Variants in CADPS2 observed in about 807,000 individuals in gnomAD.
The protein encoded by CADPS2 is calcium-dependent secretion activator 2.
CADPS2 carries 93 observed loss-of-function variants against 172.5 expected under a neutral mutation model. That is an observed-to-expected ratio of 0.54 (90% CI 0.46 to 0.64). The LOEUF (loss-of-function observed/expected upper bound fraction) is 0.64, where lower values mean the gene tolerates loss of function less well. CADPS2 is among the 30% of genes least tolerant of loss of function. The pLI is 0.00. For synonymous variants in CADPS2, 546 were observed against 555.2 expected, an observed-to-expected ratio of 0.98 and a Z score of 0.23; for missense variants, 1,420 against 1,565.9, an observed-to-expected ratio of 0.91 and a Z score of 1.57.
At chr7:122,448,299 T>G (rs543185856) in intron 15 of CADPS2, among the ~76,000 whole-genome samples, 1 of 152,266 alleles carries the variant, frequency 6.6e-6, no homozygotes, top group South Asian at 2.1e-4. Context: ...TCAGCTCTCA[T>G]GAGACTCGCT....
intron 1 of CADPS2, among the ~76,000 whole-genome samples, chr7:122,770,818 G>A (rs2139065608): frequency 6.6e-6 from 1 of 152,292 alleles, no homozygotes. Flanking sequence ...TGCAGCAGGA[G>A]CTGCTGCAGG....
intron 25 of CADPS2, among the ~76,000 whole-genome samples, chr7:122,362,286 G>T (rs1217477795): frequency 6.6e-6 from 1 of 152,068 alleles, no homozygotes; most frequent in Non-Finnish European, 1.5e-5. Context: ...AGAGAAAACA[G>T]ATACACACTG....
chr7:122,842,213 G>A (rs147983252), intron 1 of CADPS2, among the ~76,000 whole-genome samples: 130 of 152,314 alleles, frequency 8.5e-4, no homozygotes, highest in Middle Eastern at 3.4e-3. Flanking sequence ...TCCTCCCTCT[G>A]CTTCTGTCAG....
chr7:122,877,209 TTCAG>T (rs1248334981), intron 1 of CADPS2, among the ~76,000 whole-genome samples: 1 of 152,162 alleles, frequency 6.6e-6, no homozygotes, highest in Non-Finnish European at 1.5e-5. Flanking sequence ...TTTGATAACA[TTCAG>T]TATCAATTCT....
intron 17 of CADPS2, among the ~76,000 whole-genome samples, chr7:122,431,581 C>T (rs2049915974): frequency 6.6e-6 from 1 of 152,176 alleles, no homozygotes; most frequent in African/African-American, 2.4e-5. Context: ...AAGAGATCAA[C>T]AGACAGACAG....
intron 1 of CADPS2, among the ~76,000 whole-genome samples, chr7:122,851,225 A>G (rs941471265): frequency 7.9e-5 from 12 of 152,184 alleles, no homozygotes; most frequent in African/African-American, 2.7e-4. Context: ...CTACAGAAGG[A>G]AAGAGGGAAG....
chr7:122,801,637 A>G (rs1489615219), intron 1 of CADPS2, among the ~76,000 whole-genome samples: 3 of 152,206 alleles, frequency 2.0e-5, no homozygotes, highest in Admixed American at 1.3e-4. Context: ...CTTTCAGTAA[A>G]TGCAATGAGA....
At chr7:122,428,482 T>C (rs2049455261) in intron 17 of CADPS2, among the ~76,000 whole-genome samples, 1 of 148,882 alleles carries the variant, frequency 6.7e-6, no homozygotes, top group Non-Finnish European at 1.5e-5. Context: ...TTTTTTTTTT[T>C]TTGAGACGGA....
chr7:122,394,810 G>A (rs2044847780), intron 20 of CADPS2, among the ~76,000 whole-genome samples: 2 of 152,250 alleles, frequency 1.3e-5, no homozygotes, highest in South Asian at 4.1e-4. Flanking sequence ...GCAGAGGAGT[G>A]ACATGATATG....
chr7:122,378,339 T>A (rs1197099771), intron 25 of CADPS2, among the ~76,000 whole-genome samples: 3 of 152,186 alleles, frequency 2.0e-5, no homozygotes, highest in Non-Finnish European at 4.4e-5. Context: ...CCAGAAAGGC[T>A]GTAACAATTT....
intron 28 of CADPS2, chr7:122,339,129 T>A (rs972957417): frequency 3.9e-5 from 6 of 152,156 alleles, no homozygotes; most frequent in African/African-American, 7.2e-5. Flanking sequence ...GTCTTCCATC[T>A]CAGTGGGTTC....
intron 3 of CADPS2, among the ~76,000 whole-genome samples, chr7:122,631,029 C>T (rs905796033): frequency 1.3e-5 from 2 of 152,044 alleles, no homozygotes; most frequent in Admixed American, 6.6e-5. Flanking sequence ...TAAAAACTAA[C>T]GTAATTATGA....
chr7:122,609,848 T>A (rs1389962803), intron 6 of CADPS2, among the ~76,000 whole-genome samples: 2 of 152,156 alleles, frequency 1.3e-5, no homozygotes, highest in East Asian at 1.9e-4. Context: ...GTTGAAGCAT[T>A]AAAATTTGGA....
At chr7:122,682,602 T>C (rs1014048430) in intron 2 of CADPS2, among the ~76,000 whole-genome samples, 9 of 152,236 alleles carry the variant, frequency 5.9e-5, no homozygotes, top group Non-Finnish European at 1.2e-4. Context: ...AAAAAAAATA[T>C]GTGTTCCCAT....
chr7:122,657,149 C>T lies in CADPS2; in HGVS notation c.786+6088G>A, dbSNP rs578035762. On this transcript the variant is annotated intron_variant, in intron 3 of 29. Transcript: ENST00000449022. Reference sequence around the variant, plus strand: ...TGTGGTATTATTTCTGAGGACTCTGCTCTGTTCCATAGGTCTATATCTCTG... The same window carrying T: ...TGTGGTATTATTTCTGAGGACTCTGTTCTGTTCCATAGGTCTATATCTCTG... 5.2e-3 allele frequency among the ~76,000 whole-genome samples: 794 copies of T among 152,230 alleles called. 10 individuals carry two copies. The highest frequency in any genetic ancestry group is 0.013 in the Admixed American group (198 of 15,278).
chr7:122,621,507 C>G lies in CADPS2; in HGVS notation c.1078G>C (p.Asp360His). Residue 360 changes from aspartate to histidine, a missense_variant, in exon 5 of 30, where the codon GAC (aspartate) becomes CAC (histidine). Asp to His is a moderately conservative substitution (Grantham distance 81). Transcript: ENST00000449022. The stretch of plus-strand genomic sequence containing the variant: ...TCTAAGGTGAATGACAGTACCACGT[C>G]GGACTTTGACAGCTGAATCTCATTC... The part of the protein sequence containing the change: ...DENEIQLSKS[D>H]VVLSFTLEIV... The G allele has an allele frequency of 6.2e-7, 1 of 1,613,258 alleles. No homozygotes were observed. Among genetic ancestry groups the G allele is most frequent in the Non-Finnish European group, 8.5e-7 (1 of 1,179,324 alleles).
At chr7:122,575,270 A>C (rs896555494) in intron 7 of CADPS2, among the ~76,000 whole-genome samples, 1 of 151,956 alleles carries the variant, frequency 6.6e-6, no homozygotes, top group Non-Finnish European at 1.5e-5. Context: ...TCTATCCTAG[A>C]CTGGGGGAGA....
chr7:122,438,299 T>C (rs765041713), intron 17 of CADPS2, 42 bp downstream of exon 17: 2 of 1,610,322 alleles, frequency 1.2e-6, no homozygotes, highest in South Asian at 1.1e-5. Flanking sequence ...CTAGGCATTG[T>C]TGGCTCTCAC....
At chr7:122,611,769 A>G (rs2074323308) in intron 6 of CADPS2, among the ~76,000 whole-genome samples, 1 of 152,114 alleles carries the variant, frequency 6.6e-6, no homozygotes, top group South Asian at 2.1e-4. Flanking sequence ...CAAAAAAATT[A>G]CAAGGACAAT....
Sources: allele counts gnomAD v4.1 joint callset (sites outside exome capture counted in the v4.1 genomes callset), GRCh38; gene constraint gnomAD v4.1.1; transcripts MANE v1.5; gene names NCBI Gene and HGNC (gene_info 2026-07-23, HGNC 2026-07-21).